HTT-AS: variants seen among roughly 807,000 people sequenced by gnomAD.
The protein encoded by HTT-AS is HTT antisense RNA (head to head).
At chr4:3,066,018 A>G (rs1426299959) in intron 1 of HTT-AS, among the ~76,000 whole-genome samples, 2 of 152,266 alleles carry the variant, frequency 1.3e-5, no homozygotes, top group East Asian at 3.8e-4. Context: ...CATAATGAAT[A>G]AATCCAGACA....
At chr4:3,064,862 A>G (rs370678075) in intron 1 of HTT-AS, among the ~76,000 whole-genome samples, 58 of 147,736 alleles carry the variant, frequency 3.9e-4, no homozygotes, top group African/African-American at 1.5e-3. Context: ...ACTTCATACC[A>G]ATCTCTTTTA....
rs1163919785 is a variant in HTT-AS, at chr4:3,053,757, C to CTT, written n.1381-4061_1381-4060dup. On this transcript the variant is annotated intron_variant and non_coding_transcript_variant, in intron 2 of 2. Coordinates refer to ENST00000664062, the Ensembl canonical transcript of HTT-AS. ...GGTTAGATATTAGGTTTGCTAACTT[C>CTT]TTTTTTTTTTTTTTTTTTGAGATGG... 2.1e-3 allele frequency among the ~76,000 whole-genome samples: 266 copies of CTT among 129,066 alleles called. 4 individuals are homozygous for CTT. Among genetic ancestry groups the CTT allele is most frequent in the African/African-American group, 6.7e-3 (240 of 35,680 alleles). 84.7% of individuals were successfully genotyped at this position (129,066 alleles called of 152,430 possible).
At chr4:3,049,696 G>T (rs545717460) in exon 3 of HTT-AS, among the ~76,000 whole-genome samples, 1 of 152,074 alleles carries the variant, frequency 6.6e-6, no homozygotes, top group African/African-American at 2.4e-5. Context: ...CAGTCTTCGG[G>T]TTCTAGAATG....
chr4:3,073,429 AC>A (rs1430017964), intron 1 of HTT-AS, among the ~76,000 whole-genome samples: 1 of 151,992 alleles, frequency 6.6e-6, no homozygotes, highest in Non-Finnish European at 1.5e-5. Context: ...TGCCCCACAG[AC>A]CTCTGCTGAG....
At chr4:3,050,196 C>G (rs1296480952) in intron 2 of HTT-AS, among the ~76,000 whole-genome samples, 3 of 152,204 alleles carry the variant, frequency 2.0e-5, no homozygotes, top group Non-Finnish European at 4.4e-5. Flanking sequence ...GACTTCAGTC[C>G]TCTTGAATCC....
At chr4:3,060,291 T>C (rs1711900593) in intron 2 of HTT-AS, among the ~76,000 whole-genome samples, 1 of 152,146 alleles carries the variant, frequency 6.6e-6, no homozygotes, top group African/African-American at 2.4e-5. Flanking sequence ...CTTGGGTTTT[T>C]CCTGAATCAT....
intron 1 of HTT-AS, among the ~76,000 whole-genome samples, chr4:3,065,386 G>A (rs111382734): frequency 0.027 from 4,049 of 151,832 alleles, 72 homozygotes; most frequent in Middle Eastern, 0.037. Flanking sequence ...GACTACAGGC[G>A]CGCACCACCA....
intron 2 of HTT-AS, among the ~76,000 whole-genome samples, chr4:3,061,163 C>T (rs770461939): frequency 2.6e-5 from 4 of 152,216 alleles, no homozygotes; most frequent in Non-Finnish European, 4.4e-5. Flanking sequence ...GACACAGCCT[C>T]AGGAAATCCT....
At chr4:3,062,116 G>A (rs900805093) in intron 2 of HTT-AS, among the ~76,000 whole-genome samples, 2 of 151,884 alleles carry the variant, frequency 1.3e-5, no homozygotes, top group African/African-American at 4.8e-5. Context: ...AGTGATTTGG[G>A]GGCTCAAGGT....
intron 2 of HTT-AS, among the ~76,000 whole-genome samples, chr4:3,055,685 C>G (rs1370344844): frequency 6.6e-6 from 1 of 152,122 alleles, no homozygotes; most frequent in African/African-American, 2.4e-5. Context: ...ATTAAGGAAC[C>G]CATTTTTACC....
At chr4:3,072,281 T>C (rs185922327) in intron 1 of HTT-AS, among the ~76,000 whole-genome samples, 7 of 152,390 alleles carry the variant, frequency 4.6e-5, no homozygotes, top group Admixed American at 3.3e-4. Flanking sequence ...CACTGCCTGT[T>C]GGCCAGAGGC....
At chr4:3,046,321 C>T (rs929196852), downstream of HTT-AS, among the ~76,000 whole-genome samples, 3 of 152,166 alleles carry the variant, frequency 2.0e-5, no homozygotes, top group African/African-American at 7.2e-5. Flanking sequence ...GGTTGCAGCT[C>T]GGCATTTGCC....
In HTT-AS at chr4:3,052,994, CA is replaced by C. The variant is rs879875940; in HGVS notation, n.1381-3297del. ...CTGGTGACAGAGCAAGACTCCGTCTCAAAAAAAAAAAAGAGACCCTTAATTT... is the reference window on the plus strand; with the variant it reads ...CTGGTGACAGAGCAAGACTCCGTCTCAAAAAAAAAAAGAGACCCTTAATTT... On this transcript the variant is annotated intron_variant and non_coding_transcript_variant, in intron 2 of 2. Coordinates refer to ENST00000664062, the Ensembl canonical transcript of HTT-AS. 3.0e-3 allele frequency among the ~76,000 whole-genome samples: 414 copies of C among 138,508 alleles called. 2 individuals are homozygous for C. The highest frequency in any genetic ancestry group is 4.4e-3 in the Admixed American group (61 of 13,802). 90.9% of individuals were successfully genotyped at this position (138,508 alleles called of 152,430 possible). A position where few individuals can be genotyped will look rare whatever the true frequency, so the allele number is the denominator to read the frequency against.
At chr4:3,071,944 G>A (rs527878941) in intron 1 of HTT-AS, among the ~76,000 whole-genome samples, 1 of 152,182 alleles carries the variant, frequency 6.6e-6, no homozygotes, top group Non-Finnish European at 1.5e-5. Context: ...AAGCTGCCCG[G>A]TCTGTGGTAC....
intron 2 of HTT-AS, among the ~76,000 whole-genome samples, chr4:3,058,651 G>A (rs990576160): frequency 2.0e-5 from 3 of 151,790 alleles, no homozygotes; most frequent in East Asian, 1.9e-4. Context: ...ATTTTACCCC[G>A]CCCCTATTCA....
downstream of HTT-AS, among the ~76,000 whole-genome samples, chr4:3,047,753 G>A (rs1193146294): frequency 2.0e-5 from 3 of 152,248 alleles, no homozygotes; most frequent in Non-Finnish European, 4.4e-5. Flanking sequence ...CCGGAGGCCT[G>A]ACCATCTCCC....
downstream of HTT-AS, among the ~76,000 whole-genome samples, chr4:3,048,402 A>G (rs141044134): frequency 0.015 from 2,246 of 152,288 alleles, 55 homozygotes; most frequent in African/African-American, 0.051. Context: ...GGCTGCATGC[A>G]GACATTTAAA....
intron 1 of HTT-AS, among the ~76,000 whole-genome samples, chr4:3,072,346 G>A (rs1194164819): frequency 6.6e-6 from 1 of 152,240 alleles, no homozygotes; most frequent in Non-Finnish European, 1.5e-5. Context: ...GACTTCATCA[G>A]AGCATCCATG....
chr4:3,068,122 G>A lies in HTT-AS; in HGVS notation n.114-4422C>T, dbSNP rs569833680. Among the ~76,000 whole-genome samples the A allele has an allele frequency of 1.7e-3, 264 of 151,324 alleles. 2 individuals carry two copies. Among genetic ancestry groups the A allele is most frequent in the Admixed American group, 3.0e-3 (46 of 15,236 alleles). On this transcript the variant is annotated intron_variant and non_coding_transcript_variant, in intron 1 of 2. Transcript: ENST00000664062. ...AGACCAAGACCATCCTGGCTAACATGGTGAAACCCCGTCTCTACTAAAAAT... is the reference window on the plus strand; with the variant it reads ...AGACCAAGACCATCCTGGCTAACATAGTGAAACCCCGTCTCTACTAAAAAT...
Sources: allele counts gnomAD v4.1 joint callset (sites outside exome capture counted in the v4.1 genomes callset), GRCh38; gene constraint gnomAD v4.1.1; transcripts MANE v1.5; gene names NCBI Gene and HGNC (gene_info 2026-07-23, HGNC 2026-07-21).